PDZRN3: variants seen among roughly 807,000 people sequenced by gnomAD.
The protein encoded by PDZRN3 is E3 ubiquitin-protein ligase PDZRN3.
PDZRN3 carries 38 observed loss-of-function variants against 85.7 expected under a neutral mutation model. That is an observed-to-expected ratio of 0.44 (90% confidence interval 0.34 to 0.58). The LOEUF (loss-of-function observed/expected upper bound fraction) is 0.58. Ranked by LOEUF, PDZRN3 falls within the 20% of genes least tolerant of loss-of-function variation. PDZRN3 has a pLI of 0.01. For synonymous variants in PDZRN3, 759 were observed against 638.0 expected, an observed-to-expected ratio of 1.19 and a Z score of -2.86; for missense variants, 1,629 against 1,506.4, an observed-to-expected ratio of 1.08 and a Z score of -1.35.
chr3:73,393,245 T>C (rs530301346), intron 5 of PDZRN3, among the ~76,000 whole-genome samples: 2 of 152,014 alleles, frequency 1.3e-5, no homozygotes, highest in Admixed American at 6.6e-5. Flanking sequence ...ACAAGAAATG[T>C]TGATAATTCA....
chr3:73,385,608 G>A, intron 9 of PDZRN3, 61 bp downstream of exon 9: 1 of 987,696 alleles, frequency 1.0e-6, no homozygotes, highest in Non-Finnish European at 1.6e-6. Flanking sequence ...GGAGATGGAG[G>A]AAGCAGATTT....
At chr3:73,548,749 T>C (rs1202412206) in intron 3 of PDZRN3, among the ~76,000 whole-genome samples, 1 of 152,222 alleles carries the variant, frequency 6.6e-6, no homozygotes, top group African/African-American at 2.4e-5. Flanking sequence ...TGGATTGTTT[T>C]AATTTTATGT....
intron 3 of PDZRN3, among the ~76,000 whole-genome samples, chr3:73,409,679 G>A (rs1021809680): frequency 7.9e-5 from 12 of 152,270 alleles, no homozygotes; most frequent in Middle Eastern, 6.8e-3. Context: ...AAACCAGAGA[G>A]AGGCTTGGTT....
At chr3:73,468,223 T>C (rs1289938440) in intron 3 of PDZRN3, among the ~76,000 whole-genome samples, 1 of 151,902 alleles carries the variant, frequency 6.6e-6, no homozygotes, top group East Asian at 1.9e-4. Flanking sequence ...GCTTTGGAAA[T>C]GGGAAGCGAC....
chr3:73,591,872 T>A (rs1032121348), intron 3 of PDZRN3, among the ~76,000 whole-genome samples: 2 of 152,200 alleles, frequency 1.3e-5, no homozygotes, highest in African/African-American at 4.8e-5. Context: ...TAACTTGGTG[T>A]TATTTTCCTA....
At chr3:73,611,808 A>G (rs1702689035) in intron 1 of PDZRN3, among the ~76,000 whole-genome samples, 1 of 152,204 alleles carries the variant, frequency 6.6e-6, no homozygotes, top group Non-Finnish European at 1.5e-5. Context: ...TTGTAAACAG[A>G]TAGTCTTCAT....
At chr3:73,588,127 T>A (rs1702304075) in intron 3 of PDZRN3, among the ~76,000 whole-genome samples, 1 of 152,148 alleles carries the variant, frequency 6.6e-6, no homozygotes. Flanking sequence ...GCTGTTCCTC[T>A]CTGTGTCCAT....
chr3:73,407,131 T>C (rs984206271), intron 3 of PDZRN3, among the ~76,000 whole-genome samples: 12 of 152,202 alleles, frequency 7.9e-5, no homozygotes, highest in African/African-American at 2.9e-4. Flanking sequence ...TACAGTATAA[T>C]TCTGGCTGGT....
At chr3:73,616,995 G>A (rs962931011) in intron 1 of PDZRN3, among the ~76,000 whole-genome samples, 3 of 152,174 alleles carry the variant, frequency 2.0e-5, no homozygotes, top group African/African-American at 7.2e-5. Context: ...TCAGCCTGTG[G>A]ACCCAACGCC....
At chr3:73,432,339 G>A (rs1702449215) in intron 3 of PDZRN3, among the ~76,000 whole-genome samples, 1 of 152,208 alleles carries the variant, frequency 6.6e-6, no homozygotes, top group Admixed American at 6.5e-5. Context: ...GCTTTGAAAA[G>A]GACTTAAGTC....
intron 3 of PDZRN3, among the ~76,000 whole-genome samples, chr3:73,425,195 A>G (rs1459644938): frequency 6.7e-6 from 1 of 149,392 alleles, no homozygotes; most frequent in African/African-American, 2.5e-5. Flanking sequence ...TTTTTTTTGT[A>G]TTTTTAGTAG....
chr3:73,423,901 A>C (rs1174000489), intron 3 of PDZRN3, among the ~76,000 whole-genome samples: 3 of 152,218 alleles, frequency 2.0e-5, no homozygotes, highest in African/African-American at 7.2e-5. Flanking sequence ...GGAATTACAA[A>C]GAATGTTACA....
At chr3:73,578,356 G>C (rs1255862281) in intron 3 of PDZRN3, among the ~76,000 whole-genome samples, 1 of 151,926 alleles carries the variant, frequency 6.6e-6, no homozygotes, top group African/African-American at 2.4e-5. Context: ...TTTTTTATTA[G>C]AGACGGGGTT....
Position 73,624,426 on chromosome 3 carries a change from AGGCGTCGCG to A in PDZRN3, c.391_399del (p.Arg131_Ala133del). On this transcript the variant is annotated inframe_deletion, in exon 1 of 10. Coordinates refer to ENST00000263666, the MANE Select transcript of PDZRN3 (RefSeq NM_015009.3). ...CAGCGGCCCACTGGCCGCGCGTCGC[AGGCGTCGCG>A]CATGTGCGCCTCCACGTCGCGCCGC... is the stretch of plus-strand genomic sequence containing the variant. 1 of 1,306,882 alleles carries A rather than the reference AGGCGTCGCG, an allele frequency of 7.7e-7. No individual in the cohort carries two copies. Among genetic ancestry groups the A allele is most frequent in the Non-Finnish European group, 9.7e-7 (1 of 1,033,620 alleles). The allele number at this position is 1,306,882 out of a possible 1,614,324, so 81.0% of individuals were successfully genotyped here. A position where few individuals can be genotyped will look rare whatever the true frequency, so the allele number is the denominator to read the frequency against.
intron 3 of PDZRN3, among the ~76,000 whole-genome samples, chr3:73,478,740 G>A (rs971410190): frequency 2.0e-5 from 3 of 152,128 alleles, no homozygotes; most frequent in Non-Finnish European, 2.9e-5. Context: ...AGTTGTAAAA[G>A]GTCAGTAATA....
chr3:73,504,614 G>C (rs1250222561), intron 3 of PDZRN3, among the ~76,000 whole-genome samples: 1 of 152,124 alleles, frequency 6.6e-6, no homozygotes, highest in Non-Finnish European at 1.5e-5. Flanking sequence ...TCATTTGGTT[G>C]GTGATTACAG....
At chr3:73,595,472 G>T (rs1282425091) in intron 3 of PDZRN3, among the ~76,000 whole-genome samples, 1 of 152,114 alleles carries the variant, frequency 6.6e-6, no homozygotes, top group Non-Finnish European at 1.5e-5. Flanking sequence ...ATATCTGTGT[G>T]TGTTTAGCAA....
chr3:73,586,770 G>T (rs915313159), intron 3 of PDZRN3, among the ~76,000 whole-genome samples: 3 of 152,174 alleles, frequency 2.0e-5, no homozygotes, highest in African/African-American at 4.8e-5. Flanking sequence ...AACTGGAGAT[G>T]AAATTACCCT....
At chr3:73,481,608 G>T (rs1173151824) in intron 3 of PDZRN3, among the ~76,000 whole-genome samples, 2 of 151,810 alleles carry the variant, frequency 1.3e-5, no homozygotes, top group Non-Finnish European at 2.9e-5. Context: ...GGGATTACAG[G>T]CGTAAGCCAC....
Sources: gnomAD v4.1 joint callset for allele counts (sites outside exome capture counted in the v4.1 genomes callset) on GRCh38, gnomAD v4.1.1 for gene constraint, MANE v1.5 for transcripts, NCBI Gene and HGNC (gene_info 2026-07-23, HGNC 2026-07-21) for gene names.